Variants in IL1R1 observed in about 807,000 individuals in gnomAD.
IL1R1 encodes the protein interleukin 1 receptor type 1.
A neutral mutation model predicts 50.2 loss-of-function variants in IL1R1; 22 were observed. The ratio of observed to expected loss-of-function variants is 0.44; its 90% CI spans 0.31 to 0.63. The LOEUF (loss-of-function observed/expected upper bound fraction) is 0.63. IL1R1 is among the 20% of genes least tolerant of loss of function. The probability of loss-of-function intolerance (pLI) is 0.07; values close to 1 mark genes in which losing one functional copy is unlikely to be tolerated. For missense variants in IL1R1, 509 were observed against 676.2 expected, an observed-to-expected ratio of 0.75 and a Z score of 2.74; for synonymous variants, 251 against 236.7, an observed-to-expected ratio of 1.06 and a Z score of -0.55.
intron 1 of IL1R1, among the ~76,000 whole-genome samples, chr2:102,111,782 G>A (rs535559075): frequency 1.3e-5 from 2 of 152,282 alleles, no homozygotes; most frequent in South Asian, 4.1e-4. Flanking sequence ...GTCCTTCAGG[G>A]ATGGGGTCTC....
chr2:102,095,532 C>T (rs1331757805), intron 1 of IL1R1, among the ~76,000 whole-genome samples: 1 of 152,062 alleles, frequency 6.6e-6, no homozygotes, highest in African/African-American at 2.4e-5. Context: ...CAACATGCAC[C>T]CATGAACTTG....
chr2:102,141,575 G>A (rs1019652786), upstream of IL1R1, among the ~76,000 whole-genome samples: 4 of 152,184 alleles, frequency 2.6e-5, no homozygotes, highest in Non-Finnish European at 5.9e-5. Context: ...AGCTTCTGCT[G>A]CTCATTCCTT....
chr2:102,104,549 TC>T (rs1307322395), upstream of IL1R1: 2 of 152,112 alleles, frequency 1.3e-5, no homozygotes, highest in Non-Finnish European at 2.9e-5. Context: ...TGTTCATAGT[TC>T]CCCAGATGTG....
chr2:102,166,634 G>A (rs3917293), intron 6 of IL1R1, among the ~76,000 whole-genome samples: 229 of 152,274 alleles, frequency 1.5e-3, no homozygotes, highest in African/African-American at 5.3e-3. Context: ...GGGAATCTCA[G>A]TGAGTGTCAG....
At chr2:102,128,551 A>G (rs1681853434) in intron 1 of IL1R1, among the ~76,000 whole-genome samples, 1 of 152,192 alleles carries the variant, frequency 6.6e-6, no homozygotes, top group African/African-American at 2.4e-5. Context: ...TTATTTTGCC[A>G]TCAAGGGAAT....
chr2:102,143,716 G>A (rs182370044), intron 1 of IL1R1, among the ~76,000 whole-genome samples: 6 of 152,134 alleles, frequency 3.9e-5, no homozygotes, highest in African/African-American at 9.7e-5. Context: ...CCTCCCACTC[G>A]TCCTGCCTGC....
chr2:102,112,170 G>A (rs1680800981), intron 1 of IL1R1, among the ~76,000 whole-genome samples: 1 of 152,066 alleles, frequency 6.6e-6, no homozygotes, highest in Non-Finnish European at 1.5e-5. Flanking sequence ...GGTCTTGGTG[G>A]CTCTAAGCCC....
At chr2:102,116,158 C>T (rs1335034576) in intron 1 of IL1R1, among the ~76,000 whole-genome samples, 1 of 152,172 alleles carries the variant, frequency 6.6e-6, no homozygotes, top group East Asian at 1.9e-4. Context: ...TCAGATGTCC[C>T]CCAATGCATT....
chr2:102,109,748 T>A (rs1325859697), intron 1 of IL1R1, among the ~76,000 whole-genome samples: 9 of 152,178 alleles, frequency 5.9e-5, no homozygotes, highest in Admixed American at 5.9e-4. Flanking sequence ...CTAGACTCGA[T>A]GGGCGTTTAA....
chr2:102,091,688 G>A (rs886872562), intron 1 of IL1R1, among the ~76,000 whole-genome samples: 1 of 152,014 alleles, frequency 6.6e-6, no homozygotes. Context: ...GCTTACTATA[G>A]TCACCCTACC....
intron 1 of IL1R1, among the ~76,000 whole-genome samples, chr2:102,095,259 A>G (rs1239879716): frequency 6.6e-6 from 1 of 152,186 alleles, no homozygotes; most frequent in African/African-American, 2.4e-5. Flanking sequence ...AAAACACTCA[A>G]CTTGTGTTAT....
intron 3 of IL1R1, among the ~76,000 whole-genome samples, chr2:102,159,856 T>C (rs762872421): frequency 6.6e-6 from 1 of 152,214 alleles, no homozygotes; most frequent in Non-Finnish European, 1.5e-5. Context: ...GTTTTAGAGC[T>C]GGGAAGAGTA....
In IL1R1 at chr2:102,118,172, G is replaced by A. The variant is rs542666615; in HGVS notation, c.-84+13300G>A. Among the ~76,000 whole-genome samples the A allele has an allele frequency of 3.9e-5, 6 of 152,196 alleles. No homozygotes were observed. The South Asian group carries it at 8.3e-4, about 21-fold the overall frequency. On this transcript the variant is annotated intron_variant, in intron 1 of 10. Transcript: ENST00000409329. ...TTTCAGTCCTACCCCCATCCTCTGG[G>A]AAGACCTGGAGGCTGGAGATTGAGT...
chr2:102,144,536 A>G (rs1226087699), intron 1 of IL1R1, among the ~76,000 whole-genome samples: 1 of 152,188 alleles, frequency 6.6e-6, no homozygotes, highest in African/African-American at 2.4e-5. Flanking sequence ...ACACTGCTTA[A>G]TAGTAGATTC....
At chr2:102,163,175 A>G (rs1469646507) in intron 3 of IL1R1, among the ~76,000 whole-genome samples, 1 of 152,060 alleles carries the variant, frequency 6.6e-6, no homozygotes, top group African/African-American at 2.4e-5. Context: ...AGAAGATTTT[A>G]TCTTTGTCAC....
chr2:102,097,953 T>C lies in IL1R1; in HGVS notation c.-84+27420T>C, dbSNP rs574128495. Among the ~76,000 whole-genome samples, 8 of 152,110 alleles carry C rather than the reference T, an allele frequency of 5.3e-5. No individual in the cohort carries two copies. The South Asian group carries it at 1.7e-3, about 32-fold the overall frequency. On this transcript the variant is annotated intron_variant, in intron 1 of 11. Coordinates refer to the IL1R1 transcript ENST00000409929. ...GCTGGAATACCATTGACACCAAAAC[T>C]AGAAAATCCCAGTATAAGAAAATAA...
intron 1 of IL1R1, among the ~76,000 whole-genome samples, chr2:102,146,317 A>G (rs1274990317): frequency 6.6e-6 from 1 of 152,034 alleles, no homozygotes; most frequent in Non-Finnish European, 1.5e-5. Context: ...ATTTTAAAAC[A>G]CCCCTTTTAT....
At chr2:102,140,919 A>G (rs1274864691), upstream of IL1R1, among the ~76,000 whole-genome samples, 1 of 152,224 alleles carries the variant, frequency 6.6e-6, no homozygotes, top group Non-Finnish European at 1.5e-5. Flanking sequence ...CTGCATGTCT[A>G]GCAGGACACT....
chr2:102,167,592 C>A (rs556624062), intron 6 of IL1R1, among the ~76,000 whole-genome samples: 8 of 151,828 alleles, frequency 5.3e-5, no homozygotes, highest in East Asian at 1.9e-4. Flanking sequence ...GAACTACAGG[C>A]GCCCGCCACC....
Sources: gnomAD v4.1 joint callset for allele counts (sites outside exome capture counted in the v4.1 genomes callset) on GRCh38, gnomAD v4.1.1 for gene constraint, MANE v1.5 for transcripts, NCBI Gene and HGNC (gene_info 2026-07-23, HGNC 2026-07-21) for gene names.